CNTLN: variants seen among roughly 807,000 people sequenced by gnomAD.
CNTLN encodes centlein, centrosomal protein.
Under a neutral mutation model 180.0 loss-of-function variants are expected in CNTLN, and 212 were observed. The ratio of observed to expected loss-of-function variants is 1.18; its 90% confidence interval spans 1.05 to 1.32. The LOEUF (loss-of-function observed/expected upper bound fraction) is 1.32. Ranked by LOEUF, CNTLN falls within the 40% of genes most tolerant of loss-of-function variation. The pLI, the probability that CNTLN is intolerant of heterozygous loss-of-function variation, is 0.00. For missense variants in CNTLN, 2,095 were observed against 1,610.9 expected, an observed-to-expected ratio of 1.30 and a Z score of -5.14; for synonymous variants, 722 against 563.1, an observed-to-expected ratio of 1.28 and a Z score of -3.99.
intron 19 of CNTLN, among the ~76,000 whole-genome samples, chr9:17,459,154 T>C (rs1386029374): frequency 1.3e-5 from 2 of 151,928 alleles, no homozygotes; most frequent in Non-Finnish European, 2.9e-5. Context: ...AGTTGATTTA[T>C]ACATAAATCA....
chr9:17,413,519 A>G (rs1245508103), intron 16 of CNTLN, among the ~76,000 whole-genome samples: 1 of 152,198 alleles, frequency 6.6e-6, no homozygotes, highest in East Asian at 1.9e-4. Context: ...TGTGTCTGAC[A>G]AAAGTCTCAT....
intron 2 of CNTLN, among the ~76,000 whole-genome samples, chr9:17,161,225 G>C (rs1293055670): frequency 6.6e-6 from 1 of 151,880 alleles, no homozygotes; most frequent in Non-Finnish European, 1.5e-5. Context: ...TAAATTTGTA[G>C]AAAATATTAT....
At chr9:17,457,191 C>T (rs896424490) in intron 18 of CNTLN, among the ~76,000 whole-genome samples, 1 of 152,146 alleles carries the variant, frequency 6.6e-6, no homozygotes, top group African/African-American at 2.4e-5. Context: ...TTAAGTACTA[C>T]ATCAGCTCTG....
chr9:17,135,976 A>G (rs1387931280), intron 1 of CNTLN, among the ~76,000 whole-genome samples: 1 of 151,880 alleles, frequency 6.6e-6, no homozygotes, highest in African/African-American at 2.4e-5. Context: ...GATGCTTGGT[A>G]CTTGTTTATT....
chr9:17,480,057 G>A (rs1474136185), intron 23 of CNTLN, among the ~76,000 whole-genome samples: 1 of 151,984 alleles, frequency 6.6e-6, no homozygotes, highest in Non-Finnish European at 1.5e-5. Context: ...GGTCATGGTG[G>A]GCTCATGCTT....
chr9:17,365,511 G>T (rs1283771620), intron 12 of CNTLN, among the ~76,000 whole-genome samples: 1 of 152,114 alleles, frequency 6.6e-6, no homozygotes, highest in African/African-American at 2.4e-5. Flanking sequence ...GCAGTATTTG[G>T]TTCTGGTCAA....
intron 13 of CNTLN, among the ~76,000 whole-genome samples, chr9:17,381,137 T>A (rs1028765217): frequency 4.4e-4 from 67 of 152,238 alleles, no homozygotes; most frequent in African/African-American, 1.6e-3. Flanking sequence ...GCATTATTCC[T>A]TTCAGAAATT....
the CNTLN span, among the ~76,000 whole-genome samples, chr9:17,520,555 C>T: frequency 2.0e-5 from 3 of 152,210 alleles, no homozygotes; most frequent in African/African-American, 7.2e-5. Context: ...AAAAACATGG[C>T]TCCCCGCTTG....
chr9:17,400,058 A>AT (rs112111533), intron 15 of CNTLN, among the ~76,000 whole-genome samples: 2,953 of 152,246 alleles, frequency 0.019, 91 homozygotes, highest in African/African-American at 0.067. Context: ...GCTAATCTGC[A>AT]TTTTTACGGT....
intron 18 of CNTLN, among the ~76,000 whole-genome samples, chr9:17,428,147 G>A (rs1034412468): frequency 6.6e-6 from 1 of 152,144 alleles, no homozygotes; most frequent in Non-Finnish European, 1.5e-5. Flanking sequence ...AGGCCCAAAG[G>A]ATGAGAGGTA....
At chr9:17,442,911 A>G (rs1336389475) in intron 18 of CNTLN, among the ~76,000 whole-genome samples, 1 of 152,182 alleles carries the variant, frequency 6.6e-6, no homozygotes, top group African/African-American at 2.4e-5. Context: ...AAAGGTAAAA[A>G]TTTTCTGATA....
intron 16 of CNTLN, among the ~76,000 whole-genome samples, chr9:17,410,223 A>G (rs1167449106): frequency 6.6e-6 from 1 of 152,062 alleles, no homozygotes; most frequent in East Asian, 1.9e-4. Flanking sequence ...TGATAGGTTA[A>G]TCTTTCTCAT....
chr9:17,226,578 TATC>T (rs1223072453), intron 3 of CNTLN, among the ~76,000 whole-genome samples: 3 of 151,986 alleles, frequency 2.0e-5, no homozygotes, highest in East Asian at 3.9e-4. Flanking sequence ...TATTAGCAGT[TATC>T]ATTTACTTCT....
At chr9:17,143,465 C>T in intron 2 of CNTLN, 89 bp downstream of exon 2, 3 of 894,996 alleles carry the variant, frequency 3.4e-6, no homozygotes, top group South Asian at 1.5e-5. Flanking sequence ...CATTAATCTC[C>T]TAAAGAGATT....
At chr9:17,200,521 G>T (rs1280783428) in intron 2 of CNTLN, among the ~76,000 whole-genome samples, 1 of 152,096 alleles carries the variant, frequency 6.6e-6, no homozygotes, top group African/African-American at 2.4e-5. Context: ...TTGAGCAGTG[G>T]TTTGTAGTTG....
chr9:17,371,676 G>A (rs1332584577), intron 13 of CNTLN, among the ~76,000 whole-genome samples: 1 of 152,048 alleles, frequency 6.6e-6, no homozygotes, highest in African/African-American at 2.4e-5. Flanking sequence ...CTTCTCCCCA[G>A]CACATCGATC....
chr9:17,255,904 A>T (rs7020918), intron 5 of CNTLN, among the ~76,000 whole-genome samples: 1 of 151,640 alleles, frequency 6.6e-6, no homozygotes, highest in East Asian at 1.9e-4. Flanking sequence ...AGGATTGTAT[A>T]TACTTCCTTT....
intron 25 of CNTLN, among the ~76,000 whole-genome samples, chr9:17,494,548 G>A (rs1175588832): frequency 6.6e-6 from 1 of 151,930 alleles, no homozygotes; most frequent in African/African-American, 2.4e-5. Context: ...ATAGGCCCCA[G>A]GGTCTGCTGT....
intron 2 of CNTLN, among the ~76,000 whole-genome samples, chr9:17,180,334 T>C (rs987324950): frequency 7.0e-6 from 1 of 143,682 alleles, no homozygotes; most frequent in Non-Finnish European, 1.5e-5. Flanking sequence ...ATATCTTTAG[T>C]GGTTGCTCTA....
Sources: allele counts gnomAD v4.1 joint callset (sites outside exome capture counted in the v4.1 genomes callset), GRCh38; gene constraint gnomAD v4.1.1; transcripts MANE v1.5; gene names NCBI Gene and HGNC (gene_info 2026-07-23, HGNC 2026-07-21).